HDAC4: variants seen among roughly 807,000 people sequenced by gnomAD.
The protein encoded by HDAC4 is histone deacetylase 4, also known as histone deacetylase A.
Under a neutral mutation model 135.1 loss-of-function variants are expected in HDAC4, and 16 were observed. That is an observed-to-expected ratio of 0.12 (90% CI 0.08 to 0.18). The LOEUF (loss-of-function observed/expected upper bound fraction) is 0.18, where lower values mean the gene tolerates loss of function less well. Among genes scored for constraint, HDAC4 ranks in the 10% least tolerant of loss-of-function variants. The pLI is 1.00. For synonymous variants in HDAC4, 685 were observed against 653.4 expected (o/e 1.05, Z -0.74); for missense variants, 1,143 against 1,511.8 (o/e 0.76, Z 4.05).
intron 2 of HDAC4, among the ~76,000 whole-genome samples, chr2:239,322,568 A>T (rs1451801174): frequency 2.6e-5 from 4 of 152,108 alleles, no homozygotes; most frequent in Non-Finnish European, 5.9e-5. Context: ...CTACTGTTTG[A>T]CTTTCCCACT....
At chr2:239,223,946 T>G (rs1034282794) in intron 3 of HDAC4, among the ~76,000 whole-genome samples, 6 of 151,662 alleles carry the variant, frequency 4.0e-5, no homozygotes, top group African/African-American at 1.5e-4. Context: ...TGTCCATGTA[T>G]CTTTCTGCTA....
At position 239,115,079 on chromosome 2, in the gene HDAC4, T is replaced by C. The variant is rs768495531; in HGVS notation, c.1765A>G (p.Ser589Gly). The C allele has an allele frequency of 3.7e-6, 6 of 1,611,434 alleles. No individual in the cohort carries two copies. The South Asian group carries it at 6.6e-5, about 18-fold the overall frequency. Reference protein sequence around the residue: ...REVEPGQRQPSEQELLFRQQA... With the variant: ...REVEPGQRQPGEQELLFRQQA... ...TGTCTGAAGAGCAGCTCCTGCTCACTGGGCTGGCGCTGGCCCGGCTCCACC... is the reference window on the plus strand; with the variant it reads ...TGTCTGAAGAGCAGCTCCTGCTCACCGGGCTGGCGCTGGCCCGGCTCCACC... Residue 589 changes from serine to glycine, a missense_variant, in exon 13 of 27, where the codon AGT becomes GGT. Around this residue, in one of 9 missense-constraint regions of HDAC4, gnomAD observed 196 missense variants for 210.7 expected, o/e 0.93. Transcript: ENST00000543185. This position sits in a 1 kb window ranked among gnomAD's most constrained non-coding sequence, Gnocchi z 6.3.
chr2:239,208,108 G>A (rs1468960679), intron 3 of HDAC4, among the ~76,000 whole-genome samples: 1 of 151,752 alleles, frequency 6.6e-6, no homozygotes, highest in Non-Finnish European at 1.5e-5. Context: ...GGATCACGAG[G>A]TCAGGAGATG....
chr2:239,233,457 C>CA (rs2047713491), intron 3 of HDAC4, among the ~76,000 whole-genome samples: 2 of 142,904 alleles, frequency 1.4e-5, no homozygotes, highest in Non-Finnish European at 3.1e-5. Flanking sequence ...TTCCAAAATC[C>CA]GAAAAAAAAA....
At chr2:239,337,554 A>G (rs1214516501) in intron 2 of HDAC4, among the ~76,000 whole-genome samples, 1 of 152,234 alleles carries the variant, frequency 6.6e-6, no homozygotes, top group Non-Finnish European at 1.5e-5. Flanking sequence ...ATCACATATT[A>G]TAGCGATGAG....
At chr2:239,237,847 C>T (rs1291540781) in intron 2 of HDAC4, among the ~76,000 whole-genome samples, 2 of 152,152 alleles carry the variant, frequency 1.3e-5, no homozygotes, top group South Asian at 2.1e-4. Context: ...CAAAAAACCA[C>T]GGGGACCTCT....
intron 9 of HDAC4, among the ~76,000 whole-genome samples, chr2:239,136,118 C>G (rs1284265131): frequency 6.6e-6 from 1 of 152,178 alleles, no homozygotes; most frequent in Non-Finnish European, 1.5e-5. Flanking sequence ...AATGGGCAAA[C>G]AAAGAGAAGG....
chr2:239,085,180 G>A lies in HDAC4; in HGVS notation c.2445-938C>T, dbSNP rs981366413. Reference sequence around the variant, plus strand: ...GGAACCCTTCCTCTCAGGAGCTGCCGCCACGCCCCAGGAGACATGGCAGCC... The same window carrying A: ...GGAACCCTTCCTCTCAGGAGCTGCCACCACGCCCCAGGAGACATGGCAGCC... On this transcript the variant is annotated intron_variant, in intron 19 of 26. Transcript: ENST00000543185. Among the ~76,000 whole-genome samples the A allele has an allele frequency of 6.6e-5, 10 of 151,982 alleles. No individual in the cohort carries two copies. In the South Asian group the frequency reaches 1.0e-3, roughly 16 times the overall value.
chr2:239,097,078 A>G lies in HDAC4; in HGVS notation c.2234-2022T>C, dbSNP rs570523863. ...GAGGGCCCGGCCAGCTGAGGGGCGCAGGCGCCATGCAGATGCTGTGACGTT... is the reference window on the plus strand; with the variant it reads ...GAGGGCCCGGCCAGCTGAGGGGCGCGGGCGCCATGCAGATGCTGTGACGTT... On this transcript the variant is annotated intron_variant, in intron 16 of 26. Transcript: ENST00000543185. 3.9e-5 allele frequency among the ~76,000 whole-genome samples: 6 copies of G among 152,292 alleles called. No individual in the cohort carries two copies. In the South Asian group the frequency reaches 1.2e-3, roughly 32 times the overall value.
At chr2:239,366,067 GAC>G (rs1284036809) in intron 1 of HDAC4, among the ~76,000 whole-genome samples, 2 of 149,288 alleles carry the variant, frequency 1.3e-5, no homozygotes, top group Non-Finnish European at 3.0e-5. Flanking sequence ...GGCACTGGCG[GAC>G]ACACACAAAC....
intron 3 of HDAC4, among the ~76,000 whole-genome samples, chr2:239,203,071 C>A (rs559253724): frequency 1.9e-4 from 29 of 152,320 alleles, no homozygotes; most frequent in African/African-American, 6.7e-4. Context: ...GGCACACAGC[C>A]CTGCAGGGCT....
At chr2:239,114,860 C>A (rs2038989402) in intron 13 of HDAC4, among the ~76,000 whole-genome samples, 193 bp downstream of exon 13, 1 of 152,144 alleles carries the variant, frequency 6.6e-6, no homozygotes, top group African/African-American at 2.4e-5. Context: ...CATCTCGTAT[C>A]CCTAGGAACG....
At chr2:239,320,321 G>A (rs1242814877) in intron 2 of HDAC4, among the ~76,000 whole-genome samples, 3 of 148,762 alleles carry the variant, frequency 2.0e-5, no homozygotes, top group Non-Finnish European at 4.4e-5. Context: ...GGCGGAGGGT[G>A]CAGTGAGTCG....
At chr2:239,344,875 T>C (rs911706451) in intron 2 of HDAC4, among the ~76,000 whole-genome samples, 2 of 152,138 alleles carry the variant, frequency 1.3e-5, no homozygotes, top group Non-Finnish European at 1.5e-5. Context: ...GTAGGGCTGG[T>C]CTACTCTCCC....
intron 1 of HDAC4, among the ~76,000 whole-genome samples, chr2:239,365,166 T>G (rs1405925698): frequency 6.6e-6 from 1 of 152,262 alleles, no homozygotes; most frequent in East Asian, 1.9e-4. Context: ...TAATAAGCAC[T>G]GTTTTCCTTA....
At chr2:239,341,283 C>A (rs1038090205) in intron 2 of HDAC4, among the ~76,000 whole-genome samples, 1 of 152,260 alleles carries the variant, frequency 6.6e-6, no homozygotes, top group Non-Finnish European at 1.5e-5. Context: ...TCCCGCACAG[C>A]CACATTGAGA....
At chr2:239,090,258 C>T (rs916955130) in intron 17 of HDAC4, 142 bp from the exon 18 acceptor site, 3 of 696,260 alleles carry the variant, frequency 4.3e-6, no homozygotes, top group African/African-American at 1.8e-5. Context: ...CTGCAGCCCA[C>T]GTTCAGCCTT....
intron 1 of HDAC4, among the ~76,000 whole-genome samples, chr2:239,389,569 A>G (rs553812614): frequency 6.6e-6 from 1 of 152,236 alleles, no homozygotes; most frequent in East Asian, 1.9e-4. Context: ...CGGACACAGG[A>G]TGGGGCCCAC....
At chr2:239,377,365 T>C (rs1695085311) in intron 1 of HDAC4, among the ~76,000 whole-genome samples, 1 of 152,162 alleles carries the variant, frequency 6.6e-6, no homozygotes, top group African/African-American at 2.4e-5. Context: ...TCTGACTCCG[T>C]GACTCTCTGT....
Sources: allele counts gnomAD v4.1 joint callset (sites outside exome capture counted in the v4.1 genomes callset), GRCh38; gene constraint gnomAD v4.1.1; regional missense constraint gnomAD v4.1.1; non-coding constraint Gnocchi (gnomAD v3.1); transcripts MANE v1.5; gene names NCBI Gene and HGNC (gene_info 2026-07-23, HGNC 2026-07-21).